Variants in ATG10 observed in about 807,000 individuals in gnomAD.
ATG10 encodes ubiquitin-like-conjugating enzyme ATG10.
In ATG10, 30 loss-of-function variants were observed where a neutral mutation model predicts 32.1. The observed-to-expected ratio is 0.94, with a 90% CI of 0.70 to 1.27. The LOEUF (loss-of-function observed/expected upper bound fraction) is 1.27. Ranked by LOEUF, ATG10 falls within the 50% of genes most tolerant of loss-of-function variation. The probability of loss-of-function intolerance (pLI) is 0.00; values close to 1 mark genes in which losing one functional copy is unlikely to be tolerated. For synonymous variants in ATG10, 87 were observed against 91.5 expected (o/e 0.95, Z 0.28); for missense variants, 233 against 262.3 (o/e 0.89, Z 0.77).
chr5:82,094,026 C>T (rs1427273504), intron 3 of ATG10, among the ~76,000 whole-genome samples: 2 of 152,090 alleles, frequency 1.3e-5, no homozygotes, highest in South Asian at 2.1e-4. Flanking sequence ...TTTCCTTATA[C>T]ACATGAGCCG....
intron 3 of ATG10, among the ~76,000 whole-genome samples, chr5:82,139,927 C>A (rs1337616853): frequency 8.5e-6 from 1 of 117,544 alleles, no homozygotes; most frequent in African/African-American, 3.1e-5. Context: ...CCGCCCCATC[C>A]GGGAGGGAGG....
At chr5:82,126,964 T>C (rs11741284) in intron 3 of ATG10, among the ~76,000 whole-genome samples, 1 of 151,992 alleles carries the variant, frequency 6.6e-6, no homozygotes, top group African/African-American at 2.4e-5. Context: ...TCAGAACTTG[T>C]TATTGGTCTA....
intron 3 of ATG10, among the ~76,000 whole-genome samples, chr5:82,141,341 A>G (rs1767126473): frequency 6.6e-6 from 1 of 151,654 alleles, no homozygotes; most frequent in Non-Finnish European, 1.5e-5. Flanking sequence ...TTGAACTGAT[A>G]CACTTGATTC....
At chr5:82,128,232 C>A (rs1049064003) in intron 3 of ATG10, among the ~76,000 whole-genome samples, 1 of 119,506 alleles carries the variant, frequency 8.4e-6, no homozygotes, top group East Asian at 4.9e-4. Context: ...TGGGTCTTGA[C>A]TCTTTATCCA....
At chr5:82,199,898 T>C (rs886445922) in intron 5 of ATG10, among the ~76,000 whole-genome samples, 4 of 152,220 alleles carry the variant, frequency 2.6e-5, no homozygotes, top group Admixed American at 6.5e-5. Flanking sequence ...TTCTAGGCTT[T>C]TGAGTCTGGC....
rs575056103 is a variant in ATG10 at position 82,182,072 on chromosome 5, A to G, written c.453+3485A>G. On this transcript the variant is annotated intron_variant, in intron 5 of 7. Transcript: ENST00000282185. ...ATGATCACTGGAAGGTGTTGGCTCT[A>G]TGTTTTAAGAAAGGGATTCCTGTGA... 3.3e-5 allele frequency among the ~76,000 whole-genome samples: 5 copies of G among 152,294 alleles called. No individual in the cohort carries two copies. The East Asian group carries it at 5.8e-4, about 18-fold the overall frequency.
chr5:82,005,345 AGTGCAG>A (rs1761962190), intron 2 of ATG10, among the ~76,000 whole-genome samples: 3 of 152,118 alleles, frequency 2.0e-5, no homozygotes. Flanking sequence ...CCGAGGCTGG[AGTGCAG>A]TGGCACTGTG....
chr5:82,243,790 C>G (rs1039888377), intron 5 of ATG10, among the ~76,000 whole-genome samples: 4 of 152,026 alleles, frequency 2.6e-5, no homozygotes, highest in Non-Finnish European at 5.9e-5. Context: ...AAATAACTAG[C>G]TTAATCTAAT....
intron 2 of ATG10, among the ~76,000 whole-genome samples, chr5:82,038,763 G>A (rs1200695710): frequency 6.6e-6 from 1 of 152,132 alleles, no homozygotes; most frequent in Non-Finnish European, 1.5e-5. Context: ...CTTAAGTAGA[G>A]CCTAATGTCA....
At chr5:82,057,246 A>G (rs1483032341) in intron 2 of ATG10, among the ~76,000 whole-genome samples, 1 of 152,182 alleles carries the variant, frequency 6.6e-6, no homozygotes, top group Non-Finnish European at 1.5e-5. Context: ...AGTGTCTTAA[A>G]AAATAGAGTT....
chr5:82,123,764 CAAAA>C (rs1178883742), intron 3 of ATG10, among the ~76,000 whole-genome samples: 3 of 56,818 alleles, frequency 5.3e-5, no homozygotes, highest in Non-Finnish European at 1.0e-4. Context: ...ACTGTCTGTA[CAAAA>C]AAAAAAAAAA....
chr5:81,989,436 A>G (rs1761388176), intron 2 of ATG10, among the ~76,000 whole-genome samples: 1 of 151,986 alleles, frequency 6.6e-6, no homozygotes, highest in African/African-American at 2.4e-5. Flanking sequence ...GTTCAGAGGG[A>G]GGGTCGATGT....
At chr5:82,172,502 C>T (rs1235564417) in intron 4 of ATG10, among the ~76,000 whole-genome samples, 1 of 152,036 alleles carries the variant, frequency 6.6e-6, no homozygotes. Flanking sequence ...TTCAATCATG[C>T]TAGCCAAATT....
At chr5:82,239,314 A>G (rs1317667214) in intron 5 of ATG10, among the ~76,000 whole-genome samples, 2 of 152,174 alleles carry the variant, frequency 1.3e-5, no homozygotes, top group Non-Finnish European at 2.9e-5. Context: ...GTCTTTGTCT[A>G]TGCGATAAAT....
chr5:81,990,337 A>G (rs1025507725), intron 2 of ATG10, among the ~76,000 whole-genome samples: 2 of 152,094 alleles, frequency 1.3e-5, no homozygotes, highest in Admixed American at 1.3e-4. Context: ...TTTCTTTAAG[A>G]AATTTTTCTT....
chr5:82,058,754 T>C (rs1368279754), intron 3 of ATG10, 152 bp downstream of exon 3: 2 of 526,784 alleles, frequency 3.8e-6, no homozygotes, highest in Non-Finnish European at 6.7e-6. Context: ...TTCTGTTAAG[T>C]AAATATTTTA....
At chr5:82,172,130 C>A (rs1743830964) in intron 4 of ATG10, among the ~76,000 whole-genome samples, 1 of 152,086 alleles carries the variant, frequency 6.6e-6, no homozygotes, top group African/African-American at 2.4e-5. Context: ...GGAAGAAAAT[C>A]ATGAAAGGGA....
intron 5 of ATG10, among the ~76,000 whole-genome samples, chr5:82,189,934 T>C (rs1220486038): frequency 1.3e-5 from 2 of 152,124 alleles, no homozygotes; most frequent in Non-Finnish European, 2.9e-5. Flanking sequence ...CGTTTTTAAT[T>C]TGAATAACTT....
At chr5:82,111,489 G>A (rs1390659796) in intron 3 of ATG10, 1 of 151,938 alleles carries the variant, frequency 6.6e-6, no homozygotes, top group Non-Finnish European at 1.5e-5. Context: ...AGTTGCAGTG[G>A]CTTGTGAGGC....
Sources: gnomAD v4.1 joint callset for allele counts (sites outside exome capture counted in the v4.1 genomes callset) on GRCh38, gnomAD v4.1.1 for gene constraint, MANE v1.5 for transcripts, NCBI Gene and HGNC (gene_info 2026-07-23, HGNC 2026-07-21) for gene names.